HYLS1: variants seen among roughly 807,000 people sequenced by gnomAD.
HYLS1 encodes the protein centriolar and ciliogenesis-associated protein HYLS1.
In HYLS1, 25 loss-of-function variants were observed where a neutral mutation model predicts 29.4. The ratio of observed to expected loss-of-function variants is 0.85; its 90% confidence interval spans 0.62 to 1.19. The LOEUF (loss-of-function observed/expected upper bound fraction) is 1.19, where lower values mean the gene tolerates loss of function less well. Among genes scored for constraint, HYLS1 ranks in the 50% most tolerant of loss-of-function variants. The pLI, the probability that HYLS1 is intolerant of heterozygous loss-of-function variation, is 0.00. For missense variants in HYLS1, 352 were observed against 365.1 expected (o/e 0.96, Z 0.29); for synonymous variants, 128 against 126.7 (o/e 1.01, Z -0.07).
chr11:125,889,053 A>G (rs1020144262), intron 1 of HYLS1, among the ~76,000 whole-genome samples: 1 of 152,170 alleles, frequency 6.6e-6, no homozygotes, highest in Non-Finnish European at 1.5e-5. Context: ...TATTTATGTG[A>G]TTTCCTTATA....
At chr11:125,899,225 T>G in intron 2 of HYLS1, 119 bp from the exon 3 acceptor site, 1 of 697,636 alleles carries the variant, frequency 1.4e-6, no homozygotes, top group South Asian at 1.8e-5. Flanking sequence ...TGTATTGAAT[T>G]TATGATGGCC....
chr11:125,894,106 G>C, intron 2 of HYLS1: 1 of 1,614,036 alleles, frequency 6.2e-7, no homozygotes, highest in Non-Finnish European at 8.5e-7. Context: ...CTATTCCACA[G>C]GGTACTGGAA....
chr11:125,896,693 G>C lies in HYLS1; in HGVS notation c.-25-2651G>C, dbSNP rs139631502. The stretch of plus-strand genomic sequence containing the variant: ...TTCCATTTGATTTCTCACTGTATTT[G>C]TTCAATTTGCTAGTCATAAGATTTC... On this transcript the variant is annotated intron_variant, in intron 2 of 2. Coordinates refer to ENST00000425380, the MANE Select transcript of HYLS1 (RefSeq NM_001134793.2). Among the ~76,000 whole-genome samples the C allele has an allele frequency of 6.2e-3, 945 of 152,174 alleles. 4 individuals carry two copies. The highest frequency in any genetic ancestry group is 0.024 in the South Asian group (114 of 4,818).
intron 2 of HYLS1, among the ~76,000 whole-genome samples, chr11:125,893,197 T>C (rs1156616763): frequency 6.6e-6 from 1 of 152,218 alleles, no homozygotes; most frequent in Admixed American, 6.5e-5. Flanking sequence ...TAGAGGCCAT[T>C]TGTTGTTGAC....
intron 2 of HYLS1, among the ~76,000 whole-genome samples, chr11:125,891,901 C>G (rs1321916752): frequency 6.6e-6 from 1 of 152,168 alleles, no homozygotes; most frequent in African/African-American, 2.4e-5. Context: ...GTCCACCCCC[C>G]TTCTGTAGCA....
intron 2 of HYLS1, chr11:125,896,086 G>A (rs1195452063): frequency 1.9e-6 from 3 of 1,614,200 alleles, no homozygotes; most frequent in Admixed American, 1.7e-5. Context: ...GCTATTCTTA[G>A]GGCTACGTGT....
chr11:125,890,389 C>T (rs1392562105), intron 1 of HYLS1, among the ~76,000 whole-genome samples: 1 of 152,116 alleles, frequency 6.6e-6, no homozygotes, highest in Non-Finnish European at 1.5e-5. Context: ...AGTTTGTTGT[C>T]TCTTTTGCCT....
chr11:125,897,040 T>C (rs1944611030), intron 2 of HYLS1, among the ~76,000 whole-genome samples: 1 of 152,200 alleles, frequency 6.6e-6, no homozygotes, highest in Non-Finnish European at 1.5e-5. Flanking sequence ...CAGTCTGATG[T>C]AATGTAGATG....
Position 125,900,163 on chromosome 11 carries a change from A to G in HYLS1, c.795A>G (p.Leu265=). ...PQHIYVPNNY[L]VPTEKKRSAL... ...ATATATATGTCCCAAACAATTATCT[A>G]GTACCAACAGAGAAGAAAAGGTCTG... Residue 265 remains leucine (L), a synonymous_variant, in exon 3 of 3, where the codon CTA becomes CTG. Coordinates refer to ENST00000425380, the MANE Select transcript of HYLS1 (RefSeq NM_001134793.2). 1 of 1,614,226 alleles carries G rather than the reference A, an allele frequency of 6.2e-7. No individual in the cohort carries two copies. Among genetic ancestry groups the G allele is most frequent in the Non-Finnish European group, 8.5e-7 (1 of 1,180,038 alleles).
chr11:125,895,229 T>A, intron 2 of HYLS1: 2 of 1,582,838 alleles, frequency 1.3e-6, no homozygotes, highest in Non-Finnish European at 1.7e-6. Flanking sequence ...CTCACCTATA[T>A]TGAGGCTTTT....
intron 2 of HYLS1, among the ~76,000 whole-genome samples, chr11:125,892,581 G>T (rs1944442050): frequency 6.6e-6 from 1 of 152,074 alleles, no homozygotes; most frequent in South Asian, 2.1e-4. Context: ...AGCCTCCCTA[G>T]TTTTGAACAG....
chr11:125,895,956 T>C lies in HYLS1; in HGVS notation c.-25-3388T>C, dbSNP rs776621030. The C allele has an allele frequency of 6.8e-6, 11 of 1,614,116 alleles. No individual in the cohort carries two copies. The South Asian group carries it at 1.2e-4, about 18-fold the overall frequency. On this transcript the variant is annotated intron_variant, in intron 2 of 2. Transcript: ENST00000425380. ...ATCTGTTCTCCCACATCGGTGATAG[T>C]TGGATGTCTGTCTGCTTTCTACTAG...
chr11:125,899,467 G>C lies in HYLS1; in HGVS notation c.99G>C (p.Gly33=). 2 of 1,614,188 alleles carry C rather than the reference G, an allele frequency of 1.2e-6. No homozygotes were observed. Among genetic ancestry groups the C allele is most frequent in the Non-Finnish European group, 1.7e-6 (2 of 1,180,026 alleles). The change falls in exon 3 of 3, where the codon GGG becomes GGC. Residue 33 remains glycine, a synonymous_variant. Transcript: ENST00000425380. ...AATAFTHICA[G]QGEGDVRREA... ...CAGCTTTTACCCACATCTGTGCAGG[G>C]CAGGGTGAAGGAGATGTCAGGAGAG...
At chr11:125,889,482 C>G (rs910160040) in intron 1 of HYLS1, among the ~76,000 whole-genome samples, 3 of 152,124 alleles carry the variant, frequency 2.0e-5, no homozygotes, top group Non-Finnish European at 4.4e-5. Flanking sequence ...CCTGTAATCC[C>G]AAGCACTTTG....
chr11:125,890,932 T>TAA (rs200637926), intron 1 of HYLS1, among the ~76,000 whole-genome samples: 22 of 148,052 alleles, frequency 1.5e-4, no homozygotes, highest in Non-Finnish European at 1.8e-4. Context: ...CACATGCCAT[T>TAA]AAAAAAAAAA....
At chr11:125,893,079 C>T (rs1337223838) in intron 2 of HYLS1, among the ~76,000 whole-genome samples, 1 of 152,214 alleles carries the variant, frequency 6.6e-6, no homozygotes, top group African/African-American at 2.4e-5. Context: ...AATATCTCCT[C>T]TATAAGAACT....
At chr11:125,884,827 T>C (rs1247140722), upstream of HYLS1, among the ~76,000 whole-genome samples, 1 of 152,178 alleles carries the variant, frequency 6.6e-6, no homozygotes, top group Non-Finnish European at 1.5e-5. Flanking sequence ...TTATGTATGG[T>C]TTTTTAACAT....
chr11:125,896,404 T>A (rs745786542), intron 2 of HYLS1: 43 of 993,738 alleles, frequency 4.3e-5, no homozygotes, highest in Non-Finnish European at 5.7e-5. Flanking sequence ...TATATAAGAT[T>A]TAATTTAATG....
chr11:125,895,284 T>C, intron 2 of HYLS1: 1 of 1,612,662 alleles, frequency 6.2e-7, no homozygotes, highest in Non-Finnish European at 8.5e-7. Context: ...AATCTCTGGC[T>C]TCTCCATTCC....
Sources: gnomAD v4.1 joint callset for allele counts (sites outside exome capture counted in the v4.1 genomes callset) on GRCh38, gnomAD v4.1.1 for gene constraint, MANE v1.5 for transcripts, NCBI Gene and HGNC (gene_info 2026-07-23, HGNC 2026-07-21) for gene names.